The following ADGRL3 variants were observed in gnomAD, a reference collection of about 807,000 sequenced individuals.
ADGRL3 encodes calcium-independent alpha-latrotoxin receptor 3.
A neutral mutation model predicts 153.5 loss-of-function variants in ADGRL3; 62 were observed. The ratio of observed to expected loss-of-function variants is 0.40; its 90% confidence interval spans 0.33 to 0.50. The LOEUF (loss-of-function observed/expected upper bound fraction) is 0.50. ADGRL3 is among the 20% of genes least tolerant of loss of function. ADGRL3 has a pLI of 0.47. For missense variants in ADGRL3, 1,641 were observed against 1,859.4 expected (o/e 0.88, Z 2.16); for synonymous variants, 710 against 672.5 (o/e 1.06, Z -0.86).
intron 2 of ADGRL3, among the ~76,000 whole-genome samples, chr4:61,480,697 C>G (rs1299226557): frequency 6.6e-6 from 1 of 152,048 alleles, no homozygotes; most frequent in Non-Finnish European, 1.5e-5. Flanking sequence ...GCAGGAGAAT[C>G]TCTTGAACCC....
intron 5 of ADGRL3, among the ~76,000 whole-genome samples, chr4:61,595,141 G>A (rs955170441): frequency 2.0e-5 from 3 of 152,186 alleles, no homozygotes; most frequent in Non-Finnish European, 2.9e-5. Flanking sequence ...GACTCCAAGG[G>A]CCTGATTGCT....
intron 3 of ADGRL3, among the ~76,000 whole-genome samples, chr4:61,504,811 A>G (rs764907755): frequency 4.6e-5 from 7 of 152,194 alleles, no homozygotes; most frequent in Non-Finnish European, 1.0e-4. Flanking sequence ...ATAGCTGGAT[A>G]AATTTCATTG....
intron 1 of ADGRL3, among the ~76,000 whole-genome samples, chr4:61,207,500 A>G (rs965000789): frequency 1.3e-5 from 2 of 152,214 alleles, no homozygotes; most frequent in Admixed American, 6.5e-5. Flanking sequence ...ACAGTGCCAC[A>G]GTAAACATAC....
rs894727439 is a variant in ADGRL3 at position 61,772,098 on chromosome 4, G to A, written c.1399+38544G>A. ...GATATAAAGTGAGACAAATAGGAAC[G>A]CCATGGCTGTCCTGGGAGGAAAAGG... is the stretch of plus-strand genomic sequence containing the variant. On this transcript the variant is annotated intron_variant, in intron 8 of 26. Transcript: ENST00000683033. Among the ~76,000 whole-genome samples, 12 of 152,170 alleles carry A rather than the reference G, an allele frequency of 7.9e-5. No individual in the cohort carries two copies. The East Asian group carries it at 1.2e-3, about 15-fold the overall frequency.
chr4:61,871,096 G>C (rs958094155), intron 9 of ADGRL3, among the ~76,000 whole-genome samples: 1 of 148,994 alleles, frequency 6.7e-6, no homozygotes, highest in Non-Finnish European at 1.5e-5. Context: ...GGCTAACACG[G>C]TGAAACCCCG....
chr4:61,977,406 C>G (rs2099051924), intron 17 of ADGRL3, among the ~76,000 whole-genome samples: 1 of 151,984 alleles, frequency 6.6e-6, no homozygotes, highest in African/African-American at 2.4e-5. Flanking sequence ...TAGCACTAAC[C>G]ACCCTCCACT....
chr4:61,839,907 G>T (rs1345536667), intron 9 of ADGRL3, among the ~76,000 whole-genome samples: 1 of 150,968 alleles, frequency 6.6e-6, no homozygotes, highest in African/African-American at 2.4e-5. Flanking sequence ...CCATGATTAG[G>T]CTATAGCACT....
At chr4:61,793,225 C>G (rs551883444) in intron 8 of ADGRL3, among the ~76,000 whole-genome samples, 1 of 152,130 alleles carries the variant, frequency 6.6e-6, no homozygotes, top group South Asian at 2.1e-4. Context: ...GAGGTCAAGA[C>G]CATCCTGGCT....
Position 61,926,754 on chromosome 4 carries a change from G to T in ADGRL3, c.2113-8086G>T, listed in dbSNP as rs565265565. 1.4e-4 allele frequency among the ~76,000 whole-genome samples: 22 copies of T among 152,270 alleles called. No individual in the cohort carries two copies. The East Asian group carries it at 2.5e-3, about 17-fold the overall frequency. On this transcript the variant is annotated intron_variant, in intron 13 of 26. Transcript: ENST00000683033. ...TGTATATTGCTCTATTACCTTACAT[G>T]TTTTTTCAGTGACTATTTGTCGTCT... is the stretch of plus-strand genomic sequence containing the variant.
At chr4:61,468,448 T>C (rs887893884) in intron 2 of ADGRL3, among the ~76,000 whole-genome samples, 1 of 152,146 alleles carries the variant, frequency 6.6e-6, no homozygotes, top group African/African-American at 2.4e-5. Flanking sequence ...AAAGGAACCA[T>C]TTTTCTCTAA....
At chr4:61,255,432 G>A (rs2091871266) in intron 1 of ADGRL3, among the ~76,000 whole-genome samples, 2 of 151,984 alleles carry the variant, frequency 1.3e-5, no homozygotes, top group Non-Finnish European at 2.9e-5. Flanking sequence ...GAGTGAACTT[G>A]GCAATTGCCT....
At chr4:61,677,198 T>G (rs891397764) in intron 6 of ADGRL3, 2 of 366,394 alleles carry the variant, frequency 5.5e-6, no homozygotes, top group Non-Finnish European at 1.0e-5. Flanking sequence ...TGCAAGAATA[T>G]AAAACATTTA....
chr4:61,217,213 G>A (rs1414337958), intron 1 of ADGRL3, among the ~76,000 whole-genome samples: 2 of 152,186 alleles, frequency 1.3e-5, no homozygotes, highest in African/African-American at 2.4e-5. Flanking sequence ...AGTTAAAATT[G>A]TGGTAAGTGC....
intron 8 of ADGRL3, among the ~76,000 whole-genome samples, chr4:61,790,304 A>T (rs1205808418): frequency 1.3e-5 from 2 of 152,160 alleles, no homozygotes; most frequent in Admixed American, 1.3e-4. Flanking sequence ...GGAATATCAC[A>T]CAACTCCTTT....
rs7657382 is a variant in ADGRL3 at position 61,810,049 on chromosome 4, G to A, written c.1400-3760G>A. On this transcript the variant is annotated intron_variant, in intron 8 of 26. Coordinates refer to ENST00000683033, the MANE Select transcript of ADGRL3 (RefSeq NM_001387552.1). ...CAAAATCTGGGTAGCAACACAGGCT[G>A]TCCTGCTTCTGAAGCCATGATCTTA... Among the ~76,000 whole-genome samples, 229 of 152,186 alleles carry A rather than the reference G, an allele frequency of 1.5e-3. 1 individual carries two copies. Among genetic ancestry groups the A allele is most frequent in the African/African-American group, 5.3e-3 (219 of 41,530 alleles).
intron 2 of ADGRL3, among the ~76,000 whole-genome samples, chr4:61,443,039 T>C (rs2097543835): frequency 6.6e-6 from 1 of 152,194 alleles, no homozygotes; most frequent in Non-Finnish European, 1.5e-5. Flanking sequence ...ACAGAAGTTA[T>C]AAGACTTAGA....
At chr4:61,247,102 TG>T (rs1405840428) in intron 1 of ADGRL3, among the ~76,000 whole-genome samples, 1 of 152,088 alleles carries the variant, frequency 6.6e-6, no homozygotes, top group Non-Finnish European at 1.5e-5. Context: ...CAGGCATCTT[TG>T]CCATGAGCAT....
At chr4:61,763,028 C>CT (rs1197143718) in intron 8 of ADGRL3, among the ~76,000 whole-genome samples, 3 of 152,100 alleles carry the variant, frequency 2.0e-5, no homozygotes, top group African/African-American at 7.2e-5. Context: ...CAAAATTACT[C>CT]TTTTTTTCCC....
intron 1 of ADGRL3, among the ~76,000 whole-genome samples, chr4:61,224,851 C>T (rs567100370): frequency 6.6e-6 from 1 of 152,308 alleles, no homozygotes; most frequent in East Asian, 1.9e-4. Flanking sequence ...ACAACCATTT[C>T]TGATGTCTTC....
Sources: allele counts gnomAD v4.1 joint callset (sites outside exome capture counted in the v4.1 genomes callset), GRCh38; gene constraint gnomAD v4.1.1; transcripts MANE v1.5; gene names NCBI Gene and HGNC (gene_info 2026-07-23, HGNC 2026-07-21).